The following TCF7L2 variants were observed in gnomAD, a reference collection of about 807,000 sequenced individuals.
TCF7L2 encodes transcription factor 7-like 2.
In TCF7L2, 23 loss-of-function variants were observed where a neutral mutation model predicts 77.9. The ratio of observed to expected loss-of-function variants is 0.30; its 90% confidence interval spans 0.21 to 0.42. The LOEUF (loss-of-function observed/expected upper bound fraction) is 0.42, where lower values mean the gene tolerates loss of function less well. TCF7L2 is among the 10% of genes least tolerant of loss of function. TCF7L2 has a pLI of 1.00. For missense variants in TCF7L2, 654 were observed against 793.1 expected (o/e 0.82, Z 2.11); for synonymous variants, 413 against 340.2 (o/e 1.21, Z -2.36).
intron 4 of TCF7L2, among the ~76,000 whole-genome samples, chr10:112,981,255 G>A (rs907018785): frequency 6.6e-6 from 1 of 151,058 alleles, no homozygotes; most frequent in Non-Finnish European, 1.5e-5. Flanking sequence ...ATTTGAGCAA[G>A]TAAAGGGCAT....
chr10:112,976,325 C>A (rs554418859), intron 4 of TCF7L2, among the ~76,000 whole-genome samples: 1 of 152,328 alleles, frequency 6.6e-6, no homozygotes, highest in South Asian at 2.1e-4. Flanking sequence ...GAGCATCACA[C>A]ATGATAAATT....
At chr10:112,955,598 C>G (rs533415408) in intron 3 of TCF7L2, among the ~76,000 whole-genome samples, 27 of 152,248 alleles carry the variant, frequency 1.8e-4, no homozygotes, top group Admixed American at 4.6e-4. Flanking sequence ...TTGACTGATG[C>G]CCTCTGTGTC....
At chr10:113,134,993 T>A (rs2067188775) in intron 5 of TCF7L2, among the ~76,000 whole-genome samples, 1 of 152,244 alleles carries the variant, frequency 6.6e-6, no homozygotes, top group Admixed American at 6.5e-5. Context: ...GGGCCAGCAA[T>A]GGCTCTATTT....
intron 4 of TCF7L2, among the ~76,000 whole-genome samples, chr10:113,013,669 T>A (rs1262744553): frequency 6.6e-6 from 1 of 152,166 alleles, no homozygotes; most frequent in Non-Finnish European, 1.5e-5. Context: ...TGGGCATGTC[T>A]TTTTCTAGGC....
chr10:113,130,128 A>C, intron 5 of TCF7L2: 7 of 679,434 alleles, frequency 1.0e-5, no homozygotes, highest in Non-Finnish European at 1.3e-5. Flanking sequence ...ACAAGAATAA[A>C]TGGTCAACTC....
intron 5 of TCF7L2, among the ~76,000 whole-genome samples, chr10:113,130,406 C>T (rs1008147210): frequency 3.3e-5 from 5 of 152,198 alleles, no homozygotes; most frequent in Non-Finnish European, 4.4e-5. Context: ...GACATTGCCT[C>T]ATAGAGGAGC....
chr10:113,022,231 CCT>C (rs771798055), intron 4 of TCF7L2, among the ~76,000 whole-genome samples: 9 of 152,158 alleles, frequency 5.9e-5, no homozygotes, highest in South Asian at 2.1e-4. Context: ...ATTGTGACCC[CCT>C]GTTTCGTGGG....
intron 4 of TCF7L2, among the ~76,000 whole-genome samples, chr10:112,976,776 T>G (rs1055533274): frequency 6.6e-6 from 1 of 152,214 alleles, no homozygotes; most frequent in Non-Finnish European, 1.5e-5. Flanking sequence ...TCGACCACTT[T>G]GTCAACTTGG....
chr10:113,124,228 G>A (rs979239714), intron 5 of TCF7L2, among the ~76,000 whole-genome samples: 1 of 152,130 alleles, frequency 6.6e-6, no homozygotes, highest in Admixed American at 6.5e-5. Flanking sequence ...TTTGCCATCT[G>A]TATATACAGC....
rs869133669 is a variant in TCF7L2, at chr10:113,097,646, G to GAA, written c.553-43511_553-43510dup. On this transcript the variant is annotated intron_variant, in intron 5 of 13. Transcript: ENST00000627217. The stretch of plus-strand genomic sequence containing the variant: ...GTGACAGAGTAAGACTCTTGTCTCG[G>GAA]AAAAAAAAAAAAAAAAAAAAAAAAA... 2.1e-3 allele frequency among the ~76,000 whole-genome samples: 79 copies of GAA among 36,748 alleles called. 1 individual carries two copies. Among genetic ancestry groups the GAA allele is most frequent in the African/African-American group, 3.9e-3 (36 of 9,270 alleles). 24.1% of individuals were successfully genotyped at this position (36,748 alleles called of 152,430 possible). A position where few individuals can be genotyped will look rare whatever the true frequency, so the allele number is the denominator to read the frequency against.
intron 6 of TCF7L2, among the ~76,000 whole-genome samples, chr10:113,142,204 C>T (rs948017046): frequency 6.6e-6 from 1 of 152,164 alleles, no homozygotes; most frequent in Non-Finnish European, 1.5e-5. Flanking sequence ...AGGTTTTCAC[C>T]ATGCTGGCCA....
chr10:113,152,546 C>T (rs2070978717), intron 11 of TCF7L2, 106 bp downstream of exon 11: 1 of 893,042 alleles, frequency 1.1e-6, no homozygotes, highest in Admixed American at 2.5e-5. Flanking sequence ...GGCCTCAGGA[C>T]CATCCAATCT....
intron 5 of TCF7L2, among the ~76,000 whole-genome samples, chr10:113,114,556 T>C (rs2063502454): frequency 6.6e-6 from 1 of 152,208 alleles, no homozygotes; most frequent in Admixed American, 6.5e-5. Context: ...ATGATGACAA[T>C]CTATCAGTCC....
Position 113,166,178 on chromosome 10 carries a change from A to C in TCF7L2, c.*206A>C. 1 of 452,646 alleles carries C rather than the reference A, an allele frequency of 2.2e-6. No individual in the cohort carries two copies. The allele number at this position is 452,646 out of a possible 1,614,324, so 28.0% of individuals were successfully genotyped here. A position where few individuals can be genotyped will look rare whatever the true frequency, so the allele number is the denominator to read the frequency against. On this transcript the variant is annotated 3_prime_UTR_variant, in exon 14 of 14. Transcript: ENST00000627217. ...CTCCTTTTAAATATGTAGATGAGAG[A>C]AGAACCTCATGATTCTACCAAAATT...
chr10:112,953,942 C>T (rs2032768546), intron 3 of TCF7L2, among the ~76,000 whole-genome samples: 1 of 152,160 alleles, frequency 6.6e-6, no homozygotes, highest in Non-Finnish European at 1.5e-5. Flanking sequence ...TGTACACTGC[C>T]CCTTCGTCCT....
intron 13 of TCF7L2, among the ~76,000 whole-genome samples, chr10:113,164,399 A>C (rs2073713219): frequency 6.6e-6 from 1 of 152,106 alleles, no homozygotes; most frequent in Admixed American, 6.5e-5. Flanking sequence ...CGATAACCCA[A>C]ACCCAGGAAG....
intron 5 of TCF7L2, among the ~76,000 whole-genome samples, chr10:113,082,126 C>G (rs2059369079): frequency 7.1e-6 from 1 of 141,718 alleles, no homozygotes; most frequent in African/African-American, 2.7e-5. Flanking sequence ...GTGTGAGCCA[C>G]TACCATTTTT....
chr10:112,987,147 C>G (rs1257184709), intron 4 of TCF7L2, among the ~76,000 whole-genome samples: 1 of 152,040 alleles, frequency 6.6e-6, no homozygotes, highest in Non-Finnish European at 1.5e-5. Flanking sequence ...AAGAACTATT[C>G]GAGATACACT....
chr10:113,039,958 GCTAGTTGTT>G, intron 4 of TCF7L2, 58 bp from the exon 5 acceptor site: 1 of 1,364,868 alleles, frequency 7.3e-7, no homozygotes, highest in South Asian at 1.2e-5. Flanking sequence ...TATTTCTTGG[GCTAGTTGTT>G]CTGCATTTAC....
Sources: allele counts gnomAD v4.1 joint callset (sites outside exome capture counted in the v4.1 genomes callset), GRCh38; gene constraint gnomAD v4.1.1; transcripts MANE v1.5; gene names NCBI Gene and HGNC (gene_info 2026-07-23, HGNC 2026-07-21).